The following DSG2 variants were observed in gnomAD, a reference collection of about 807,000 sequenced individuals.
DSG2 encodes desmoglein 2, also known as desmoglein-2.
DSG2 carries 45 observed loss-of-function variants against 75.6 expected under a neutral mutation model. The ratio of observed to expected loss-of-function variants is 0.60; its 90% CI spans 0.47 to 0.76. DSG2 has a LOEUF of 0.76. DSG2 is among the 30% of genes least tolerant of loss of function. The pLI is 0.00. For synonymous variants in DSG2, 429 were observed against 483.9 expected, an observed-to-expected ratio of 0.89 and a Z score of 1.49; for missense variants, 1,267 against 1,357.4, an observed-to-expected ratio of 0.93 and a Z score of 1.05.
In DSG2 at chr18:31,521,110, C is replaced by T. The variant is rs369489095; in HGVS notation, c.390C>T (p.Tyr130=). 5.5e-5 allele frequency: 88 copies of T among 1,613,938 alleles called. No homozygotes were observed. Among genetic ancestry groups the T allele is most frequent in the Middle Eastern group, 1.7e-4 (1 of 6,060 alleles). Residue 130 remains tyrosine (Y), a synonymous_variant, in exon 5 of 15, where the codon TAC becomes TAT. Transcript: ENST00000261590. ...TGTCATGATTTCAGCTAACAGGTTA[C>T]GCTTTGGATGCAAGAGGAAACAATG... ...EETPFFLLTG[Y]ALDARGNNVE...
rs1241077875 is a variant in DSG2, at chr18:31,548,441, T to C, written c.*1698T>C. The C allele has an allele frequency of 8.1e-6, 1 of 123,810 alleles. No individual in the cohort carries two copies. The highest frequency in any genetic ancestry group is 1.6e-5 in the Non-Finnish European group (1 of 61,066). The allele number at this position is 123,810 out of a possible 1,614,324, so 7.7% of individuals were successfully genotyped here. A position where few individuals can be genotyped will look rare whatever the true frequency, so the allele number is the denominator to read the frequency against. On this transcript the variant is annotated 3_prime_UTR_variant, in exon 15 of 15. Transcript: ENST00000261590. ...GGTGTCATGCAAAGGATTTATATAGTGTGCTCCCACTAACTGTACAGATCA... is the reference window on the plus strand; with the variant it reads ...GGTGTCATGCAAAGGATTTATATAGCGTGCTCCCACTAACTGTACAGATCA...
In DSG2 at chr18:31,546,334, G is replaced by A. The variant is rs746359987; in HGVS notation, c.2948G>A (p.Gly983Asp). Residue 983 changes from glycine to aspartate, a missense_variant, in exon 15 of 15, where the codon GGT (glycine) becomes GAT (aspartate). By Grantham distance (94) the Gly-to-Asp change is moderately conservative (BLOSUM62 -1). Transcript: ENST00000261590. The part of the protein sequence containing the change: ...TLVDQPYANE[G>D]TVVVTERVIQ... ...GTAGATCAGCCTTATGCTAATGAAG[G>A]TACAGTTGTGGTCACTGAAAGAGTA... 10 of 1,611,578 alleles carry A rather than the reference G, an allele frequency of 6.2e-6. No homozygotes were observed. Among genetic ancestry groups the A allele is most frequent in the Non-Finnish European group, 5.1e-6 (6 of 1,178,356 alleles).
In DSG2 at chr18:31,547,452, G is replaced by C. The variant is rs970356448; in HGVS notation, c.*709G>C. On this transcript the variant is annotated 3_prime_UTR_variant, in exon 15 of 15. Transcript: ENST00000261590. ...AGCACTTTGGGAGGCCGAGGCGGGT[G>C]GATCAACTGTGGTCAGGAGTTTGAG... 6.5e-6 allele frequency: 1 copy of C among 152,854 alleles called. No individual in the cohort carries two copies. Among genetic ancestry groups the C allele is most frequent in the Non-Finnish European group, 1.5e-5 (1 of 68,610 alleles). 9.5% of individuals were successfully genotyped at this position (152,854 alleles called of 1,614,324 possible).
chr18:31,518,392 C>G, intron 2 of DSG2, 118 bp downstream of exon 2: 1 of 876,762 alleles, frequency 1.1e-6, no homozygotes, highest in Non-Finnish European at 1.9e-6. Flanking sequence ...CCAGCCATTC[C>G]CATTCAAACA....
chr18:31,505,834 G>A (rs954412101), intron 1 of DSG2, among the ~76,000 whole-genome samples: 4 of 151,846 alleles, frequency 2.6e-5, no homozygotes, highest in Non-Finnish European at 5.9e-5. Flanking sequence ...TCTAATTTTT[G>A]TATTTTTAGT....
chr18:31,523,806 C>T lies in DSG2; in HGVS notation c.691-642C>T, dbSNP rs146532897. Among the ~76,000 whole-genome samples, 13 of 152,342 alleles carry T rather than the reference C, an allele frequency of 8.5e-5. No individual in the cohort carries two copies. In the East Asian group the frequency reaches 1.7e-3, roughly 20 times the overall value. On this transcript the variant is annotated intron_variant, in intron 6 of 14. Coordinates refer to ENST00000261590, the MANE Select transcript of DSG2 (RefSeq NM_001943.5). ...CATGTCCAACACAGTCAGTAAGTGA[C>T]GATGCCAGAATTGGAACCCAGGCAG...
chr18:31,541,008 G>A (rs535107715), intron 12 of DSG2, among the ~76,000 whole-genome samples, 185 bp from the exon 13 acceptor site: 3 of 152,244 alleles, frequency 2.0e-5, no homozygotes, highest in South Asian at 2.1e-4. Flanking sequence ...CTGCCTTCGG[G>A]TTTTGGAGTA....
In DSG2 at chr18:31,547,054, A is replaced by G. The variant is rs539372574; in HGVS notation, c.*311A>G. 2.4e-6 allele frequency: 1 copy of G among 423,952 alleles called. No homozygotes were observed. The highest frequency in any genetic ancestry group is 2.1e-5 in the South Asian group (1 of 47,408). The allele number at this position is 423,952 out of a possible 1,614,324, so 26.3% of individuals were successfully genotyped here. A position where few individuals can be genotyped will look rare whatever the true frequency, so the allele number is the denominator to read the frequency against. ...TCAATCTGGCTTCTGAGAATTTACC[A>G]AGTGAACAGAGTACCTAGTTCATCA... On this transcript the variant is annotated 3_prime_UTR_variant, in exon 15 of 15. Transcript: ENST00000261590.
rs781532110 is a variant in DSG2, at chr18:31,521,213, G to GT, written c.495dup (p.Gly166TrpfsTer4). ...ACCAGTGTTCACACAGGATGTCTTTGTTGGGTCTGTTGAAGAGTTGAGTGC... is the reference window on the plus strand; with the variant it reads ...ACCAGTGTTCACACAGGATGTCTTTGTTTGGGTCTGTTGAAGAGTTGAGTGC... On this transcript the variant is annotated frameshift_variant, in exon 5 of 15. Coordinates refer to ENST00000261590, the MANE Select transcript of DSG2 (RefSeq NM_001943.5). LOFTEE classifies it high-confidence loss of function. 12 of 1,611,850 alleles carry GT rather than the reference G, an allele frequency of 7.4e-6. No homozygotes were observed. The highest frequency in any genetic ancestry group is 2.7e-5 in the African/African-American group (2 of 74,304).
intron 12 of DSG2, among the ~76,000 whole-genome samples, chr18:31,539,468 G>A (rs1229252912): frequency 2.0e-5 from 3 of 152,164 alleles, no homozygotes; most frequent in Non-Finnish European, 4.4e-5. Context: ...CGCTTGCCTT[G>A]TTTCTTCGTC....
rs1468086351 is a variant in DSG2, at chr18:31,548,911, G to GTT, written c.*2169_*2170dup. 2 of 151,966 alleles carry GTT rather than the reference G, an allele frequency of 1.3e-5. No homozygotes were observed. Among genetic ancestry groups the GTT allele is most frequent in the Admixed American group, 1.3e-4 (2 of 15,254 alleles). The allele number at this position is 151,966 out of a possible 1,614,324, so 9.4% of individuals were successfully genotyped here. Reference sequence around the variant, plus strand: ...TTTTACAAGGAATATAACTCAGTTTGTTAGGGAGAGTGCCTTAAAGGCAGG... The same window carrying GTT: ...TTTTACAAGGAATATAACTCAGTTTGTTTTAGGGAGAGTGCCTTAAAGGCAGG... On this transcript the variant is annotated 3_prime_UTR_variant, in exon 15 of 15. Coordinates refer to ENST00000261590, the MANE Select transcript of DSG2 (RefSeq NM_001943.5).
intron 1 of DSG2, among the ~76,000 whole-genome samples, chr18:31,508,451 T>C (rs943884312): frequency 6.6e-6 from 1 of 152,014 alleles, no homozygotes; most frequent in South Asian, 2.1e-4. Context: ...TGGAGTGCAG[T>C]GGCGCCATCT....
intron 8 of DSG2, among the ~76,000 whole-genome samples, chr18:31,527,540 A>G (rs1455776240): frequency 6.6e-6 from 1 of 152,234 alleles, no homozygotes; most frequent in East Asian, 1.9e-4. Context: ...TCAATTATGT[A>G]ATGAATTGCT....
Position 31,536,365 on chromosome 18 carries a change from C to G in DSG2, c.1587C>G (p.Phe529Leu). ...ATGGACACCCAAACAGTGGCCCTTT[C>G]AGTTTCTCCGTCATTGACAAACCAC... ...DLDGHPNSGP[F>L]SFSVIDKPPG... Residue 529 changes from phenylalanine (F) to leucine (L), a missense_variant, in exon 11 of 15, where the codon TTC (phenylalanine) becomes TTG (leucine). By Grantham distance (22) the Phe-to-Leu change is conservative. Transcript: ENST00000261590. 6.2e-7 allele frequency: 1 copy of G among 1,614,188 alleles called. No homozygotes were observed. Among genetic ancestry groups the G allele is most frequent in the Non-Finnish European group, 8.5e-7 (1 of 1,180,036 alleles).
Position 31,546,553 on chromosome 18 carries a change from C to T in DSG2, c.3167C>T (p.Thr1056Ile), listed in dbSNP as rs767538450. ...GAAAGAGTTCTAGCACCTGCTTCCACTCTGCAATCCAGTTACCAGATTCCC... is the reference window on the plus strand; with the variant it reads ...GAAAGAGTTCTAGCACCTGCTTCCATTCTGCAATCCAGTTACCAGATTCCC... ...VTERVLAPAS[T>I]LQSSYQIPTE... The change falls in exon 15 of 15, where the codon ACT (threonine) becomes ATT (isoleucine). Residue 1056 changes from threonine to isoleucine, a missense_variant. By Grantham distance (89) the Thr-to-Ile change is moderately conservative. Transcript: ENST00000261590. 119 of 1,614,096 alleles carry T rather than the reference C, an allele frequency of 7.4e-5. No homozygotes were observed. The highest frequency in any genetic ancestry group is 9.8e-5 in the Non-Finnish European group (116 of 1,180,030).
chr18:31,539,751 A>G (rs963144458), intron 12 of DSG2, among the ~76,000 whole-genome samples: 2 of 152,238 alleles, frequency 1.3e-5, no homozygotes, highest in African/African-American at 4.8e-5. Context: ...GCTACAGACC[A>G]GCACCTGTCC....
At chr18:31,503,303 A>G (rs73414300) in intron 1 of DSG2, among the ~76,000 whole-genome samples, 2,377 of 152,346 alleles carry the variant, frequency 0.016, 65 homozygotes, top group African/African-American at 0.054. Context: ...CTATAGAAGG[A>G]GCAACTATCT....
chr18:31,542,810 T>A lies in DSG2; in HGVS notation c.2292T>A (p.Ala764=), dbSNP rs1483314627. ...ACATGGCCGGAGCTCAGGCAGCTGC[T>A]GTTGCACTGAACGAAGAATTCTTAA... ...SRDMAGAQAA[A]VALNEEFLRN... Residue 764 remains alanine, a synonymous_variant, in exon 14 of 15, where the codon GCT becomes GCA. Transcript: ENST00000261590. 1 of 1,589,290 alleles carries A rather than the reference T, an allele frequency of 6.3e-7. No homozygotes were observed. Among genetic ancestry groups the A allele is most frequent in the East Asian group, 2.2e-5 (1 of 44,498 alleles).
At position 31,527,067 on chromosome 18, in the gene DSG2, T is replaced by C. The variant is rs539013060; in HGVS notation, c.1014+2179T>C. 1.1e-3 allele frequency among the ~76,000 whole-genome samples: 169 copies of C among 152,326 alleles called. 3 individuals are homozygous for C. The South Asian group carries it at 0.013, about 12-fold the overall frequency. ...CATTCACTCACTCACTCAGAGTAAC[T>C]TTCAGTCTTGCAAGCACCACTTATG... On this transcript the variant is annotated intron_variant, in intron 8 of 14. Coordinates refer to ENST00000261590, the MANE Select transcript of DSG2 (RefSeq NM_001943.5).
Sources: gnomAD v4.1 joint callset for allele counts (sites outside exome capture counted in the v4.1 genomes callset) on GRCh38, gnomAD v4.1.1 for gene constraint, MANE v1.5 for transcripts, NCBI Gene and HGNC (gene_info 2026-07-23, HGNC 2026-07-21) for gene names.